Variants in STEAP3 observed in about 807,000 individuals in gnomAD.
STEAP3 encodes metalloreductase STEAP3.
STEAP3 carries 35 observed loss-of-function variants against 34.9 expected under a neutral mutation model. The ratio of observed to expected loss-of-function variants is 1.00; its 90% CI spans 0.76 to 1.33. The LOEUF is 1.33. Ranked by LOEUF, STEAP3 falls within the 40% of genes most tolerant of loss-of-function variation. STEAP3 has a pLI of 0.00. For missense variants in STEAP3, 652 were observed against 667.6 expected, an observed-to-expected ratio of 0.98 and a Z score of 0.26; for synonymous variants, 281 against 301.6, an observed-to-expected ratio of 0.93 and a Z score of 0.71.
chr2:119,247,654 T>C, intron 3 of STEAP3, 25 bp from the exon 4 acceptor site: 5 of 1,510,000 alleles, frequency 3.3e-6, no homozygotes, highest in Non-Finnish European at 4.4e-6. Flanking sequence ...TGACGCCGTC[T>C]GACTGCCCCA....
At position 119,230,725 on chromosome 2, in the gene STEAP3, T is replaced by G; in HGVS notation, c.-288T>G. ...AGCCACTAATTATCACCCGTGAGGT[T>G]TCCTCCCCGAGCAGGAAGCAGCAGG... On this transcript the variant is annotated 5_prime_UTR_variant, in exon 2 of 6. Coordinates refer to ENST00000393110, the MANE Select transcript of STEAP3 (RefSeq NM_182915.3). 1 of 538,602 alleles carries G rather than the reference T, an allele frequency of 1.9e-6. No homozygotes were observed. Among genetic ancestry groups the G allele is most frequent in the Non-Finnish European group, 3.4e-6 (1 of 296,936 alleles). The allele number at this position is 538,602 out of a possible 1,614,324, so 33.4% of individuals were successfully genotyped here. A position where few individuals can be genotyped will look rare whatever the true frequency, so the allele number is the denominator to read the frequency against.
intron 2 of STEAP3, chr2:119,239,316 G>C (rs1677176752): frequency 6.5e-6 from 1 of 152,686 alleles, no homozygotes; most frequent in African/African-American, 2.4e-5. Context: ...CGCCCAGGCT[G>C]GAGTGCAGTG....
At position 119,263,242 on chromosome 2, in the gene STEAP3, A is replaced by C. The variant is rs377489086; in HGVS notation, c.1401A>C (p.Arg467Ser). 1 of 1,614,018 alleles carries C rather than the reference A, an allele frequency of 6.2e-7. No individual in the cohort carries two copies. Among genetic ancestry groups the C allele is most frequent in the East Asian group, 2.2e-5 (1 of 44,878 alleles). Reference protein sequence around the residue: ...ALFLLPCISRRLARIRRGWER... With the variant: ...ALFLLPCISRSLARIRRGWER... Reference sequence around the variant, plus strand: ...TTCTCCTGCCCTGCATCAGCCGCAGACTCGCCAGGATCCGGAGAGGCTGGG... The same window carrying C: ...TTCTCCTGCCCTGCATCAGCCGCAGCCTCGCCAGGATCCGGAGAGGCTGGG... The change falls in exon 6 of 6, where the codon AGA (arginine) becomes AGC (serine). Residue 467 changes from arginine (R) to serine (S), a missense_variant. By Grantham distance (110) the Arg-to-Ser change is moderately radical (BLOSUM62 -1). Coordinates refer to ENST00000393110, the MANE Select transcript of STEAP3 (RefSeq NM_182915.3).
chr2:119,228,964 C>T (rs775243930), intron 1 of STEAP3, among the ~76,000 whole-genome samples: 2 of 152,108 alleles, frequency 1.3e-5, no homozygotes, highest in African/African-American at 2.4e-5. Context: ...TCCTCAGGTG[C>T]GGTTTCCTCA....
At chr2:119,229,324 G>A (rs78418906) in intron 1 of STEAP3, among the ~76,000 whole-genome samples, 12,853 of 152,086 alleles carry the variant, frequency 0.085, 572 homozygotes, top group Middle Eastern at 0.11. Context: ...TGTATTATTA[G>A]TTCACCTAAG....
rs766095769 is a variant in STEAP3, at chr2:119,245,484, T to C, written c.23-5T>C. Reference sequence around the variant, plus strand: ...CACTGACCAGGTTCCTGACTTCTCTTGCAGCCACCAAAATGCCAGAAGAGA... The same window carrying C: ...CACTGACCAGGTTCCTGACTTCTCTCGCAGCCACCAAAATGCCAGAAGAGA... On this transcript the variant is annotated splice_region_variant and splice_polypyrimidine_tract_variant and intron_variant, in intron 2 of 5. Coordinates refer to ENST00000393110, the MANE Select transcript of STEAP3 (RefSeq NM_182915.3). The C allele has an allele frequency of 3.8e-6, 6 of 1,572,732 alleles. No individual in the cohort carries two copies. The East Asian group carries it at 1.1e-4, about 30-fold the overall frequency.
At chr2:119,248,263 CT>C (rs5833785) in intron 4 of STEAP3, 57 bp downstream of exon 4, 133,275 of 1,412,500 alleles carry the variant, frequency 0.094, 1,867 homozygotes, top group African/African-American at 0.1. Flanking sequence ...TGTCCAGCAC[CT>C]CCCCCCCCCA....
chr2:119,256,055 T>A (rs1042130993), intron 5 of STEAP3, among the ~76,000 whole-genome samples: 1 of 152,226 alleles, frequency 6.6e-6, no homozygotes, highest in Non-Finnish European at 1.5e-5. Flanking sequence ...TGCTGTATCC[T>A]GCCATTGTAA....
chr2:119,240,360 C>A lies in STEAP3; in HGVS notation c.23-5129C>A, dbSNP rs182542190. ...ACCCCGTTCTTGGCCTGCAGGCCGC[C>A]CCCACTCCATCTGGCTGCAGGGTGC... On this transcript the variant is annotated intron_variant, in intron 2 of 5. Coordinates refer to ENST00000393110, the MANE Select transcript of STEAP3 (RefSeq NM_182915.3). Among the ~76,000 whole-genome samples the A allele has an allele frequency of 9.2e-4, 140 of 152,374 alleles. 1 individual carries two copies. Among genetic ancestry groups the A allele is most frequent in the Non-Finnish European group, 1.5e-3 (103 of 68,034 alleles).
chr2:119,251,857 C>G (rs1677636563), intron 4 of STEAP3, among the ~76,000 whole-genome samples: 1 of 152,208 alleles, frequency 6.6e-6, no homozygotes, highest in Non-Finnish European at 1.5e-5. Context: ...AAAACCCTAC[C>G]TCTGTTAAGC....
intron 1 of STEAP3, among the ~76,000 whole-genome samples, chr2:119,224,258 A>G (rs1678967323): frequency 6.6e-6 from 1 of 152,174 alleles, no homozygotes; most frequent in Non-Finnish European, 1.5e-5. Context: ...GGCTCTGGCC[A>G]GCGGTCCCAA....
intron 1 of STEAP3, among the ~76,000 whole-genome samples, chr2:119,224,803 A>G (rs1205769626): frequency 6.6e-6 from 1 of 152,166 alleles, no homozygotes; most frequent in Non-Finnish European, 1.5e-5. Context: ...ATTCCCATTT[A>G]TGTGTGCCAG....
intron 1 of STEAP3, among the ~76,000 whole-genome samples, chr2:119,228,254 G>A (rs1679102979): frequency 6.6e-6 from 1 of 152,214 alleles, no homozygotes. Flanking sequence ...GTGTCTCTCT[G>A]AAGGTGAACT....
intron 2 of STEAP3, among the ~76,000 whole-genome samples, chr2:119,233,630 T>C (rs559878209): frequency 6.6e-6 from 1 of 152,148 alleles, no homozygotes; most frequent in Admixed American, 6.5e-5. Flanking sequence ...TAGGCCCCGG[T>C]AGGTGTTAGA....
At chr2:119,241,886 G>A (rs1021598257) in intron 2 of STEAP3, among the ~76,000 whole-genome samples, 2 of 152,192 alleles carry the variant, frequency 1.3e-5, no homozygotes, top group African/African-American at 4.8e-5. Flanking sequence ...GTTTTGTTTC[G>A]AGGTAAATCA....
At chr2:119,241,181 T>C (rs1015763383) in intron 2 of STEAP3, among the ~76,000 whole-genome samples, 1 of 151,948 alleles carries the variant, frequency 6.6e-6, no homozygotes. Flanking sequence ...AAACAGTCTT[T>C]AGAGAGGTAT....
intron 4 of STEAP3, 54 bp downstream of exon 4, chr2:119,248,260 C>A (rs1677510803): frequency 1.4e-6 from 2 of 1,454,258 alleles, no homozygotes; most frequent in Admixed American, 4.3e-5. Context: ...GCTTGTCCAG[C>A]ACCTCCCCCC....
intron 1 of STEAP3, among the ~76,000 whole-genome samples, chr2:119,224,875 T>C (rs1678990071): frequency 6.6e-6 from 1 of 152,206 alleles, no homozygotes; most frequent in Admixed American, 6.5e-5. Flanking sequence ...GAAGGCACCA[T>C]TATCTCTTGT....
At chr2:119,257,832 A>G (rs1677820953) in intron 5 of STEAP3, 2 of 932,282 alleles carry the variant, frequency 2.1e-6, no homozygotes, top group African/African-American at 1.7e-5. Flanking sequence ...GCTGACCCCT[A>G]GATCTGTAAT....
Sources: gnomAD v4.1 joint callset for allele counts (sites outside exome capture counted in the v4.1 genomes callset) on GRCh38, gnomAD v4.1.1 for gene constraint, MANE v1.5 for transcripts, NCBI Gene and HGNC (gene_info 2026-07-23, HGNC 2026-07-21) for gene names.